Variants in KCNH1 observed in about 807,000 individuals in gnomAD.
KCNH1 encodes voltage-gated delayed rectifier potassium channel KCNH1.
Under a neutral mutation model 69.2 loss-of-function variants are expected in KCNH1, and 27 were observed. That is an observed-to-expected ratio of 0.39 (90% CI 0.29 to 0.54). KCNH1 has a LOEUF of 0.54. Among genes scored for constraint, KCNH1 ranks in the 20% least tolerant of loss-of-function variants. KCNH1 has a pLI of 0.68. For synonymous variants in KCNH1, 456 were observed against 487.7 expected, an observed-to-expected ratio of 0.93 and a Z score of 0.86; for missense variants, 798 against 1,261.6, an observed-to-expected ratio of 0.63 and a Z score of 5.57.
chr1:210,798,624 T>G (rs74156081), intron 8 of KCNH1, among the ~76,000 whole-genome samples: 4,919 of 152,158 alleles, frequency 0.032, 265 homozygotes, highest in African/African-American at 0.11. Context: ...AGAAGATCAT[T>G]GAAGCTACAG....
rs1435915592 is a variant in KCNH1, at chr1:210,680,287, T to G, written c.*2994A>C. On this transcript the variant is annotated 3_prime_UTR_variant, in exon 11 of 11. Coordinates refer to ENST00000271751, the MANE Select transcript of KCNH1 (RefSeq NM_172362.3). ...AGGATATTCTCTGGGAAATGGAGCT[T>G]CAATATGAATGACATTCAAAGTAAA... The G allele has an allele frequency of 6.6e-6, 1 of 152,126 alleles. No homozygotes were observed. The highest frequency in any genetic ancestry group is 1.9e-4 in the East Asian group (1 of 5,192). 9.4% of individuals were successfully genotyped at this position (152,126 alleles called of 1,614,324 possible). A position where few individuals can be genotyped will look rare whatever the true frequency, so the allele number is the denominator to read the frequency against.
chr1:211,133,745 C>T lies in KCNH1; in HGVS notation c.79+122G>A. On this transcript the variant is annotated intron_variant, in intron 1 of 10. Transcript: ENST00000271751. The surrounding 1 kb of genome is among the most constrained non-coding windows in gnomAD (Gnocchi z 5.4). ...GGGGAGGCTGCCCTGGGTGCCCGCG[C>T]CGCGGCTCCTTAGCAGAGCTCGCGG... is the stretch of plus-strand genomic sequence containing the variant. 2 of 898,730 alleles carry T rather than the reference C, an allele frequency of 2.2e-6. No individual in the cohort carries two copies. Among genetic ancestry groups the T allele is most frequent in the Non-Finnish European group, 3.5e-6 (2 of 575,428 alleles). The allele number at this position is 898,730 out of a possible 1,614,324, so 55.7% of individuals were successfully genotyped here.
chr1:210,835,527 G>A (rs1035737087), intron 7 of KCNH1, among the ~76,000 whole-genome samples: 5 of 152,148 alleles, frequency 3.3e-5, no homozygotes, highest in Admixed American at 2.0e-4. Flanking sequence ...CTTCCAGGCA[G>A]TCCTAGAGAA....
chr1:210,753,680 C>T (rs1222255468), intron 10 of KCNH1, among the ~76,000 whole-genome samples: 1 of 152,156 alleles, frequency 6.6e-6, no homozygotes, highest in Non-Finnish European at 1.5e-5. Flanking sequence ...ATAAAAGGTC[C>T]TTGATCCAAA....
chr1:210,988,738 C>A (rs1366485877), intron 6 of KCNH1, among the ~76,000 whole-genome samples: 1 of 152,146 alleles, frequency 6.6e-6, no homozygotes, highest in Non-Finnish European at 1.5e-5. Flanking sequence ...ATATGTGAGG[C>A]CCAGCAGTGA....
At chr1:210,907,705 A>C (rs1470498077) in intron 7 of KCNH1, among the ~76,000 whole-genome samples, 1 of 152,184 alleles carries the variant, frequency 6.6e-6, no homozygotes, top group East Asian at 1.9e-4. Context: ...AAGTAACATT[A>C]GCACTTTGAT....
At chr1:210,711,359 C>T (rs926614935) in intron 10 of KCNH1, among the ~76,000 whole-genome samples, 3 of 152,220 alleles carry the variant, frequency 2.0e-5, no homozygotes, top group Admixed American at 1.3e-4. Flanking sequence ...AAGCCAGGTT[C>T]TCCTTCATCT....
At position 210,681,778 on chromosome 1, in the gene KCNH1, T is replaced by G. The variant is rs185343525; in HGVS notation, c.*1503A>C. 20 of 152,398 alleles carry G rather than the reference T, an allele frequency of 1.3e-4. No homozygotes were observed. Among genetic ancestry groups the G allele is most frequent in the Admixed American group, 1.3e-3 (20 of 15,302 alleles). The allele number at this position is 152,398 out of a possible 1,614,324, so 9.4% of individuals were successfully genotyped here. On this transcript the variant is annotated 3_prime_UTR_variant, in exon 11 of 11. Transcript: ENST00000271751. ...TACTCCTAATTCCATTCCCTCCAAGTTGACTTTTCAGAGCTGAACTTCTAA... is the reference window on the plus strand; with the variant it reads ...TACTCCTAATTCCATTCCCTCCAAGGTGACTTTTCAGAGCTGAACTTCTAA...
chr1:211,020,827 T>C (rs1689574855), intron 5 of KCNH1, among the ~76,000 whole-genome samples: 1 of 152,004 alleles, frequency 6.6e-6, no homozygotes, highest in South Asian at 2.1e-4. Flanking sequence ...GATGCAAGAA[T>C]GACTCAACAC....
intron 2 of KCNH1, among the ~76,000 whole-genome samples, chr1:211,105,747 T>C (rs1036173396): frequency 2.4e-4 from 36 of 152,328 alleles, no homozygotes; most frequent in African/African-American, 7.0e-4. Flanking sequence ...CAAATTGTTC[T>C]GATTATATAT....
intron 1 of KCNH1, among the ~76,000 whole-genome samples, chr1:211,118,958 C>T (rs1691636368): frequency 6.6e-6 from 1 of 152,190 alleles, no homozygotes; most frequent in African/African-American, 2.4e-5. Context: ...GTAAGTATTT[C>T]ACAATACACG....
At chr1:210,883,010 G>A (rs1275637369) in intron 7 of KCNH1, among the ~76,000 whole-genome samples, 1 of 152,210 alleles carries the variant, frequency 6.6e-6, no homozygotes, top group East Asian at 1.9e-4. Context: ...ATAAGTTCCA[G>A]TAGCTGTGGT....
In KCNH1 at chr1:211,034,171, C is replaced by T. The variant is rs992841338; in HGVS notation, c.559-14915G>A. On this transcript the variant is annotated intron_variant, in intron 5 of 10. Coordinates refer to ENST00000271751, the MANE Select transcript of KCNH1 (RefSeq NM_172362.3). Reference sequence around the variant, plus strand: ...CAGCTTTACTCATAATTGGCCAAAACCGGAAACAATCCAAATATCCTTCAA... The same window carrying T: ...CAGCTTTACTCATAATTGGCCAAAATCGGAAACAATCCAAATATCCTTCAA... Among the ~76,000 whole-genome samples, 6 of 152,194 alleles carry T rather than the reference C, an allele frequency of 3.9e-5. No individual in the cohort carries two copies. The East Asian group carries it at 1.2e-3, about 29-fold the overall frequency.
intron 7 of KCNH1, among the ~76,000 whole-genome samples, chr1:210,845,084 CAATAGCT>C (rs905433190): frequency 4.3e-3 from 649 of 152,234 alleles, no homozygotes; most frequent in African/African-American, 0.014. Context: ...AGGCAATAAT[CAATAGCT>C]AACCAACCAA....
intron 10 of KCNH1, among the ~76,000 whole-genome samples, chr1:210,740,722 T>C (rs1332675229): frequency 6.7e-6 from 1 of 148,318 alleles, no homozygotes; most frequent in African/African-American, 2.5e-5. Context: ...TTTTTTTTTT[T>C]TTTTTTTTTT....
At chr1:210,754,976 G>A (rs775776680) in intron 10 of KCNH1, among the ~76,000 whole-genome samples, 4 of 152,126 alleles carry the variant, frequency 2.6e-5, no homozygotes, top group Non-Finnish European at 5.9e-5. Flanking sequence ...CCATGGGTGT[G>A]GGAGCATGCA....
chr1:210,930,021 G>C (rs773909740), intron 6 of KCNH1, among the ~76,000 whole-genome samples: 1 of 152,164 alleles, frequency 6.6e-6, no homozygotes, highest in Non-Finnish European at 1.5e-5. Flanking sequence ...ACTGCTGAAA[G>C]AAATCATAGA....
intron 5 of KCNH1, among the ~76,000 whole-genome samples, chr1:211,057,436 G>A (rs1690331403): frequency 6.6e-6 from 1 of 152,124 alleles, no homozygotes; most frequent in South Asian, 2.1e-4. Context: ...AGGAGTTCGA[G>A]ACCAGCCTGG....
At chr1:211,084,385 TACC>T (rs10580067) in intron 4 of KCNH1, among the ~76,000 whole-genome samples, 152,304 of 152,304 alleles carry the variant, frequency 1, 76,152 homozygotes, top group Non-Finnish European at 1. Context: ...CCCACCCTAC[TACC>T]ACCACCACCA....
Sources: gnomAD v4.1 joint callset for allele counts (sites outside exome capture counted in the v4.1 genomes callset) on GRCh38, gnomAD v4.1.1 for gene constraint, Gnocchi (gnomAD v3.1) non-coding constraint, MANE v1.5 for transcripts, NCBI Gene and HGNC (gene_info 2026-07-23, HGNC 2026-07-21) for gene names.